Variants in SPON1 observed in about 807,000 individuals in gnomAD.
SPON1 encodes spondin 1, also known as spondin-1.
SPON1 carries 52 observed loss-of-function variants against 111.7 expected under a neutral mutation model. That is an observed-to-expected ratio of 0.47 (90% CI 0.37 to 0.59). The LOEUF (loss-of-function observed/expected upper bound fraction) is 0.59. Ranked by LOEUF, SPON1 falls within the 20% of genes least tolerant of loss-of-function variation. The pLI, the probability that SPON1 is intolerant of heterozygous loss-of-function variation, is 0.00. For synonymous variants in SPON1, 410 were observed against 395.8 expected (o/e 1.04, Z -0.43); for missense variants, 957 against 1,068.5 (o/e 0.90, Z 1.46).
rs555013834 is a variant in SPON1 at position 14,266,342 on chromosome 11, T to C, written c.*655T>C. Reference sequence around the variant, plus strand: ...CCAACAAAAATAAATAAATAAATTATGGCTGCTTTATTTAAATATAAGGTA... The same window carrying C: ...CCAACAAAAATAAATAAATAAATTACGGCTGCTTTATTTAAATATAAGGTA... On this transcript the variant is annotated 3_prime_UTR_variant, in exon 16 of 16. Coordinates refer to ENST00000576479, the MANE Select transcript of SPON1 (RefSeq NM_006108.4). 1 of 152,114 alleles carries C rather than the reference T, an allele frequency of 6.6e-6. No homozygotes were observed. Among genetic ancestry groups the C allele is most frequent in the East Asian group, 1.9e-4 (1 of 5,150 alleles). The allele number at this position is 152,114 out of a possible 1,614,324, so 9.4% of individuals were successfully genotyped here.
At chr11:14,073,190 G>A (rs782088790) in intron 3 of SPON1, among the ~76,000 whole-genome samples, 2 of 152,080 alleles carry the variant, frequency 1.3e-5, no homozygotes, top group East Asian at 1.9e-4. Flanking sequence ...ACAAGTTTGT[G>A]TTTTACACAA....
chr11:14,019,736 A>T (rs1200257948), intron 2 of SPON1, among the ~76,000 whole-genome samples: 1 of 152,134 alleles, frequency 6.6e-6, no homozygotes, highest in Non-Finnish European at 1.5e-5. Context: ...TAGCTCTGTG[A>T]TTCACTCAGC....
intron 2 of SPON1, among the ~76,000 whole-genome samples, chr11:14,038,219 A>G (rs1848608653): frequency 6.6e-6 from 1 of 151,478 alleles, no homozygotes; most frequent in African/African-American, 2.4e-5. Context: ...TAATCCTAGC[A>G]CTTTGGGAGG....
intron 6 of SPON1, chr11:14,224,787 A>C: frequency 2.0e-6 from 1 of 488,248 alleles, no homozygotes; most frequent in Non-Finnish European, 4.1e-6. Context: ...GTGGGGCCAA[A>C]GGGTGAGCCC....
At chr11:14,074,717 T>C (rs1280010315) in intron 3 of SPON1, among the ~76,000 whole-genome samples, 2 of 152,178 alleles carry the variant, frequency 1.3e-5, no homozygotes, top group African/African-American at 4.8e-5. Flanking sequence ...AGCGAAAATA[T>C]GTGCTGGCCA....
At chr11:14,201,370 A>AC (rs1282733514) in intron 6 of SPON1, among the ~76,000 whole-genome samples, 25 of 150,788 alleles carry the variant, frequency 1.7e-4, no homozygotes, top group Admixed American at 1.6e-3. Flanking sequence ...AAACAAAAAA[A>AC]ACTACCAACT....
intron 6 of SPON1, among the ~76,000 whole-genome samples, chr11:14,187,477 C>T (rs1848297336): frequency 6.6e-6 from 1 of 152,166 alleles, no homozygotes; most frequent in African/African-American, 2.4e-5. Context: ...GGATATTTTA[C>T]TCTAGGCAAC....
At position 14,259,428 on chromosome 11, in the gene SPON1, G is replaced by A. The variant is rs1554941655; in HGVS notation, c.1641G>A (p.Lys547=). The change falls in exon 12 of 16, where the codon AAG becomes AAA. Residue 547 remains lysine (K), a synonymous_variant. Coordinates refer to ENST00000576479, the MANE Select transcript of SPON1 (RefSeq NM_006108.4). The surrounding 1 kb of genome is among the most constrained non-coding windows in gnomAD (Gnocchi z 5.0). ...CGCTGCCCACTGAGGAAACGGAGAA[G>A]TGCACGGTCAACGAGGAGTGCTGTG... The part of the protein sequence containing the change: ...VCTLPTEETE[K]CTVNEECSPS... 2 of 1,610,358 alleles carry A rather than the reference G, an allele frequency of 1.2e-6. No homozygotes were observed. The highest frequency in any genetic ancestry group is 1.7e-6 in the Non-Finnish European group (2 of 1,178,608).
Position 14,205,509 on chromosome 11 carries a change from T to C in SPON1, c.826-37823T>C, listed in dbSNP as rs541869904. ...TTCTCATAACCAACTCAAGCAGCTC[T>C]ATGTTAACAAAGAATATAACTACTT... On this transcript the variant is annotated intron_variant, in intron 6 of 15. Coordinates refer to ENST00000576479, the MANE Select transcript of SPON1 (RefSeq NM_006108.4). 3.3e-5 allele frequency among the ~76,000 whole-genome samples: 5 copies of C among 152,362 alleles called. No individual in the cohort carries two copies. In the East Asian group the frequency reaches 7.7e-4, roughly 24 times the overall value.
At chr11:14,104,102 C>A (rs1002283361) in intron 5 of SPON1, among the ~76,000 whole-genome samples, 15 of 151,906 alleles carry the variant, frequency 9.9e-5, no homozygotes, top group Admixed American at 6.5e-4. Flanking sequence ...AATTAGTAGA[C>A]CTTTTTAGTG....
At chr11:14,028,349 G>A (rs1848534188) in intron 2 of SPON1, among the ~76,000 whole-genome samples, 1 of 151,924 alleles carries the variant, frequency 6.6e-6, no homozygotes, top group African/African-American at 2.4e-5. Flanking sequence ...ACCTCGGCAT[G>A]GTGGCGTGTG....
chr11:14,257,909 A>G lies in SPON1; in HGVS notation c.1492+11A>G. On this transcript the variant is annotated intron_variant, in intron 11 of 15. Transcript: ENST00000576479. ...GCTGCAGTGACGAAGGTGAGGAGAC[A>G]ACCCAGACCAGCCAGGGGCTGGCAG... The G allele has an allele frequency of 6.6e-7, 1 of 1,522,362 alleles. No homozygotes were observed. The highest frequency in any genetic ancestry group is 8.8e-7 in the Non-Finnish European group (1 of 1,131,808). The allele number at this position is 1,522,362 out of a possible 1,614,324, so 94.3% of individuals were successfully genotyped here.
chr11:14,002,549 T>A (rs1848327071), intron 2 of SPON1, among the ~76,000 whole-genome samples: 1 of 152,000 alleles, frequency 6.6e-6, no homozygotes, highest in Non-Finnish European at 1.5e-5. Flanking sequence ...GCAGGAGGAA[T>A]GTGGTAGGGA....
At chr11:14,136,561 G>A (rs560549590) in intron 6 of SPON1, among the ~76,000 whole-genome samples, 14 of 152,264 alleles carry the variant, frequency 9.2e-5, no homozygotes, top group African/African-American at 2.6e-4. Flanking sequence ...GCTGAGGCCC[G>A]CAGTGTTCCC....
intron 5 of SPON1, among the ~76,000 whole-genome samples, chr11:14,133,345 A>G (rs988325226): frequency 6.6e-6 from 1 of 152,246 alleles, no homozygotes; most frequent in Non-Finnish European, 1.5e-5. Flanking sequence ...CTCCCTCAAG[A>G]AACGTTCAGC....
chr11:14,182,271 C>T (rs1489997263), intron 6 of SPON1, among the ~76,000 whole-genome samples: 1 of 152,138 alleles, frequency 6.6e-6, no homozygotes, highest in Admixed American at 6.5e-5. Context: ...TTTGAATAGG[C>T]ATGTGTGAGA....
chr11:14,212,532 G>A (rs1234597409), intron 6 of SPON1, among the ~76,000 whole-genome samples: 1 of 151,922 alleles, frequency 6.6e-6, no homozygotes, highest in East Asian at 1.9e-4. Flanking sequence ...TCTCATCCAG[G>A]TTCCACCACT....
In SPON1 at chr11:14,106,071, G is replaced by C. The variant is rs143913600; in HGVS notation, c.676+26050G>C. Among the ~76,000 whole-genome samples, 8 of 152,276 alleles carry C rather than the reference G, an allele frequency of 5.3e-5. No individual in the cohort carries two copies. In the East Asian group the frequency reaches 1.5e-3, roughly 29 times the overall value. On this transcript the variant is annotated intron_variant, in intron 5 of 15. Transcript: ENST00000576479. ...AGTCACCTGTTTTGAACTGATTTGAGAGGGAAGACTGGATTCATTGGCAAG... is the reference window on the plus strand; with the variant it reads ...AGTCACCTGTTTTGAACTGATTTGACAGGGAAGACTGGATTCATTGGCAAG...
intron 5 of SPON1, among the ~76,000 whole-genome samples, chr11:14,093,511 T>C (rs1849075007): frequency 6.6e-6 from 1 of 152,228 alleles, no homozygotes; most frequent in Admixed American, 6.5e-5. Context: ...CAGATATGCA[T>C]TGATGAAAAG....
Sources: allele counts gnomAD v4.1 joint callset (sites outside exome capture counted in the v4.1 genomes callset), GRCh38; gene constraint gnomAD v4.1.1; non-coding constraint Gnocchi (gnomAD v3.1); transcripts MANE v1.5; gene names NCBI Gene and HGNC (gene_info 2026-07-23, HGNC 2026-07-21).